FLRT2: variants seen among roughly 807,000 people sequenced by gnomAD.
FLRT2 encodes the protein fibronectin leucine rich transmembrane protein 2.
Under a neutral mutation model 40.0 loss-of-function variants are expected in FLRT2, and 15 were observed. That is an observed-to-expected ratio of 0.38 (90% CI 0.25 to 0.58). FLRT2 has a LOEUF of 0.58. Ranked by LOEUF, FLRT2 falls within the 20% of genes least tolerant of loss-of-function variation. The probability of loss-of-function intolerance (pLI) is 0.71; values close to 1 mark genes in which losing one functional copy is unlikely to be tolerated. For synonymous variants in FLRT2, 380 were observed against 336.8 expected (o/e 1.13, Z -1.41); for missense variants, 726 against 840.0 (o/e 0.86, Z 1.68).
At chr14:85,556,365 A>G (rs1734636735) in intron 1 of FLRT2, among the ~76,000 whole-genome samples, 2 of 152,138 alleles carry the variant, frequency 1.3e-5, no homozygotes, top group Admixed American at 1.3e-4. Context: ...CATTTCCCAT[A>G]CAAGTAGTGA....
chr14:85,574,749 C>T (rs1891051597), intron 1 of FLRT2, among the ~76,000 whole-genome samples: 1 of 152,232 alleles, frequency 6.6e-6, no homozygotes, highest in Admixed American at 6.5e-5. Flanking sequence ...GTGGATACTG[C>T]CACCTTCTCC....
At chr14:85,620,757 C>G (rs1893344509) in intron 1 of FLRT2, among the ~76,000 whole-genome samples, 1 of 152,138 alleles carries the variant, frequency 6.6e-6, no homozygotes, top group African/African-American at 2.4e-5. Flanking sequence ...TGAAACTAGT[C>G]TATGACCAGT....
Position 85,649,188 on chromosome 14 carries a change from T to G in FLRT2, c.*25691T>G, listed in dbSNP as rs1349370400. 6.6e-6 allele frequency: 1 copy of G among 151,906 alleles called. No individual in the cohort carries two copies. Among genetic ancestry groups the G allele is most frequent in the Non-Finnish European group, 1.5e-5 (1 of 67,994 alleles). 9.4% of individuals were successfully genotyped at this position (151,906 alleles called of 1,614,324 possible). ...AATCTGGAAATTTACAAACTATTAA[T>G]TTTCTTTTCTACAGTTTCCTCCAGA... On this transcript the variant is annotated 3_prime_UTR_variant, in exon 2 of 2. Coordinates refer to ENST00000330753, the MANE Select transcript of FLRT2 (RefSeq NM_013231.6).
chr14:85,554,332 C>T (rs1889827403), intron 1 of FLRT2, among the ~76,000 whole-genome samples: 1 of 152,128 alleles, frequency 6.6e-6, no homozygotes, highest in Non-Finnish European at 1.5e-5. Context: ...CATCACAGAC[C>T]ACAAGTGCCC....
rs1894063908 is a variant in FLRT2 at position 85,638,472 on chromosome 14, C to G, written c.*14975C>G. On this transcript the variant is annotated 3_prime_UTR_variant, in exon 2 of 2. Coordinates refer to ENST00000330753, the MANE Select transcript of FLRT2 (RefSeq NM_013231.6). ...AGATTTCATCATGGCTTTACTTCTC[C>G]CTCTACCAGTCCTGGTTCTTCATAG... 1 of 152,338 alleles carries G rather than the reference C, an allele frequency of 6.6e-6. No homozygotes were observed. Among genetic ancestry groups the G allele is most frequent in the Non-Finnish European group, 1.5e-5 (1 of 68,248 alleles). 9.4% of individuals were successfully genotyped at this position (152,338 alleles called of 1,614,324 possible).
chr14:85,653,912 A>G lies in FLRT2; in HGVS notation c.*30415A>G, dbSNP rs906340679. 6.6e-6 allele frequency: 1 copy of G among 152,196 alleles called. No individual in the cohort carries two copies. Among genetic ancestry groups the G allele is most frequent in the African/African-American group, 2.4e-5 (1 of 41,458 alleles). 9.4% of individuals were successfully genotyped at this position (152,196 alleles called of 1,614,324 possible). A position where few individuals can be genotyped will look rare whatever the true frequency, so the allele number is the denominator to read the frequency against. Reference sequence around the variant, plus strand: ...ACCTATTTTTTTAAATTGAAGTACAAAGAAACTGTAGCTATAATTATCTTT... The same window carrying G: ...ACCTATTTTTTTAAATTGAAGTACAGAGAAACTGTAGCTATAATTATCTTT... On this transcript the variant is annotated 3_prime_UTR_variant, in exon 2 of 2. Coordinates refer to ENST00000330753, the MANE Select transcript of FLRT2 (RefSeq NM_013231.6).
At position 85,652,206 on chromosome 14, in the gene FLRT2, CCTT is replaced by C. The variant is rs1894449074; in HGVS notation, c.*28710_*28712del. ...TCAATTATAATTCTGTTTTTAATGA[CCTT>C]ATTAGCTCAGATGATGTTTTAATGA... On this transcript the variant is annotated 3_prime_UTR_variant, in exon 2 of 2. Coordinates refer to ENST00000330753, the MANE Select transcript of FLRT2 (RefSeq NM_013231.6). 1.3e-5 allele frequency: 2 copies of C among 152,088 alleles called. No homozygotes were observed. Among genetic ancestry groups the C allele is most frequent in the African/African-American group, 4.8e-5 (2 of 41,504 alleles). The allele number at this position is 152,088 out of a possible 1,614,324, so 9.4% of individuals were successfully genotyped here.
intron 1 of FLRT2, among the ~76,000 whole-genome samples, chr14:85,570,188 CAAGTTTGCATTGAATATTA>C (rs528501653): frequency 5.2e-4 from 79 of 152,272 alleles, no homozygotes; most frequent in Non-Finnish European, 9.9e-4. Context: ...GGTTCCTTGT[CAAGTTTGCATTGAATATTA>C]AAGATAGAAG....
chr14:85,590,457 A>T (rs1448240686), intron 1 of FLRT2, among the ~76,000 whole-genome samples: 1 of 152,200 alleles, frequency 6.6e-6, no homozygotes, highest in Non-Finnish European at 1.5e-5. Flanking sequence ...AAGTGCATTG[A>T]TGAATACTTC....
intron 1 of FLRT2, among the ~76,000 whole-genome samples, chr14:85,607,779 C>G (rs1566753237): frequency 6.6e-6 from 1 of 152,190 alleles, no homozygotes; most frequent in African/African-American, 2.4e-5. Flanking sequence ...ATTAAGAAAT[C>G]AAGCGTCTCT....
chr14:85,566,699 G>A (rs1595033619), intron 1 of FLRT2, among the ~76,000 whole-genome samples: 1 of 151,590 alleles, frequency 6.6e-6, no homozygotes, highest in Non-Finnish European at 1.5e-5. Context: ...TTCCTGGCCT[G>A]GTTGCAGGGG....
At chr14:85,557,296 C>A (rs181284425) in intron 1 of FLRT2, among the ~76,000 whole-genome samples, 95 of 150,060 alleles carry the variant, frequency 6.3e-4, no homozygotes, top group Non-Finnish European at 1.1e-3. Flanking sequence ...AGCTACCTTA[C>A]TAGTTTGCAA....
rs182052728 is a variant in FLRT2, at chr14:85,577,653, C to T, written c.-376-43486C>T. 4.3e-4 allele frequency among the ~76,000 whole-genome samples: 65 copies of T among 151,972 alleles called. 1 individual carries two copies. In the South Asian group the frequency reaches 7.9e-3, roughly 18 times the overall value. ...CCAGGTCAGAGTACAGTGGTGCCGT[C>T]ATAGCTTGCTGTAATCTGGAACTCC... On this transcript the variant is annotated intron_variant, in intron 1 of 1. Transcript: ENST00000330753.
rs1894031831 is a variant in FLRT2, at chr14:85,637,229, G to T, written c.*13732G>T. Reference sequence around the variant, plus strand: ...TTATTAAAAGCATTAACAAGTAGTTGAAAATATTATCCCTCTAAGTATTAG... The same window carrying T: ...TTATTAAAAGCATTAACAAGTAGTTTAAAATATTATCCCTCTAAGTATTAG... On this transcript the variant is annotated 3_prime_UTR_variant, in exon 2 of 2. Coordinates refer to ENST00000330753, the MANE Select transcript of FLRT2 (RefSeq NM_013231.6). 1 of 152,076 alleles carries T rather than the reference G, an allele frequency of 6.6e-6. No individual in the cohort carries two copies. Among genetic ancestry groups the T allele is most frequent in the Non-Finnish European group, 1.5e-5 (1 of 68,014 alleles). The allele number at this position is 152,076 out of a possible 1,614,324, so 9.4% of individuals were successfully genotyped here. A position where few individuals can be genotyped will look rare whatever the true frequency, so the allele number is the denominator to read the frequency against.
rs545755880 is a variant in FLRT2 at position 85,559,391 on chromosome 14, A to G, written c.-377+28857A>G. 4 of 152,258 alleles carry G rather than the reference A, an allele frequency of 2.6e-5. 1 individual carries two copies. The highest frequency in any genetic ancestry group is 5.9e-5 in the Non-Finnish European group (4 of 68,050). 9.4% of individuals were successfully genotyped at this position (152,258 alleles called of 1,614,324 possible). On this transcript the variant is annotated intron_variant, in intron 1 of 1. Transcript: ENST00000330753. ...GAAAGAACATGGATTAGCTGAGCAGAAAAGAAGAAGGAATACTGGATGCAG... is the reference window on the plus strand; with the variant it reads ...GAAAGAACATGGATTAGCTGAGCAGGAAAGAAGAAGGAATACTGGATGCAG...
intron 1 of FLRT2, among the ~76,000 whole-genome samples, chr14:85,619,269 G>C (rs1240153905): frequency 6.6e-6 from 1 of 151,756 alleles, no homozygotes; most frequent in Non-Finnish European, 1.5e-5. Flanking sequence ...ATTTTTAATA[G>C]AAATGGGGTT....
At position 85,646,087 on chromosome 14, in the gene FLRT2, T is replaced by A. The variant is rs1894296045; in HGVS notation, c.*22590T>A. The A allele has an allele frequency of 6.6e-6, 1 of 152,194 alleles. No homozygotes were observed. The highest frequency in any genetic ancestry group is 2.4e-5 in the African/African-American group (1 of 41,452). The allele number at this position is 152,194 out of a possible 1,614,324, so 9.4% of individuals were successfully genotyped here. A position where few individuals can be genotyped will look rare whatever the true frequency, so the allele number is the denominator to read the frequency against. ...CATTATTATGGTGACCCATACAACATCACTTTTAAACAGTGGATTTATTTA... is the reference window on the plus strand; with the variant it reads ...CATTATTATGGTGACCCATACAACAACACTTTTAAACAGTGGATTTATTTA... On this transcript the variant is annotated 3_prime_UTR_variant, in exon 2 of 2. Transcript: ENST00000330753.
At chr14:85,553,388 C>T (rs1889760995) in intron 1 of FLRT2, among the ~76,000 whole-genome samples, 1 of 151,994 alleles carries the variant, frequency 6.6e-6, no homozygotes. Context: ...TAAGGGTGTC[C>T]AATCTTTTGG....
chr14:85,531,556 T>C (rs1368281306), intron 1 of FLRT2, among the ~76,000 whole-genome samples: 1 of 152,098 alleles, frequency 6.6e-6, no homozygotes, highest in Non-Finnish European at 1.5e-5. Context: ...GCTGGACCCA[T>C]ACTTGATACC....
Sources: allele counts gnomAD v4.1 joint callset (sites outside exome capture counted in the v4.1 genomes callset), GRCh38; gene constraint gnomAD v4.1.1; transcripts MANE v1.5; gene names NCBI Gene and HGNC (gene_info 2026-07-23, HGNC 2026-07-21).